The following CMTM6 variants were observed in gnomAD, a reference collection of about 807,000 sequenced individuals.
CMTM6 encodes the protein CKLF like MARVEL transmembrane domain containing 6.
CMTM6 carries 5 observed loss-of-function variants against 13.6 expected under a neutral mutation model. That is an observed-to-expected ratio of 0.37 (90% CI 0.19 to 0.77). CMTM6 has a LOEUF of 0.77. Ranked by LOEUF, CMTM6 falls within the 30% of genes least tolerant of loss-of-function variation. The pLI is 0.50. For synonymous variants in CMTM6, 99 were observed against 84.5 expected (o/e 1.17, Z -0.94); for missense variants, 196 against 218.6 (o/e 0.90, Z 0.65).
intron 3 of CMTM6, among the ~76,000 whole-genome samples, chr3:32,484,520 A>T (rs995373742): frequency 6.6e-6 from 1 of 152,232 alleles, no homozygotes; most frequent in Non-Finnish European, 1.5e-5. Flanking sequence ...AAAGTTATTA[A>T]TATCAAAACA....
chr3:32,486,800 C>T (rs1409681660), intron 3 of CMTM6, among the ~76,000 whole-genome samples: 1 of 152,138 alleles, frequency 6.6e-6, no homozygotes, highest in African/African-American at 2.4e-5. Context: ...GGGGCAGACT[C>T]CCCCTCTGGC....
At chr3:32,491,641 T>C in intron 2 of CMTM6, 69 bp downstream of exon 2, 5 of 1,364,602 alleles carry the variant, frequency 3.7e-6, no homozygotes, top group Non-Finnish European at 5.0e-6. Context: ...CATTACTGCT[T>C]TGAACAATAA....
chr3:32,492,639 G>A (rs1023174994), intron 1 of CMTM6, among the ~76,000 whole-genome samples: 5 of 152,266 alleles, frequency 3.3e-5, no homozygotes, highest in East Asian at 1.9e-4. Flanking sequence ...AAATAATAGC[G>A]ACTAGGGAGC....
At chr3:32,490,636 T>C (rs1697242672) in intron 2 of CMTM6, among the ~76,000 whole-genome samples, 1 of 152,176 alleles carries the variant, frequency 6.6e-6, no homozygotes, top group Non-Finnish European at 1.5e-5. Flanking sequence ...GTTTTACTTT[T>C]TTTACGTTAC....
chr3:32,491,316 G>C (rs1697248094), intron 2 of CMTM6, among the ~76,000 whole-genome samples: 1 of 152,156 alleles, frequency 6.6e-6, no homozygotes, highest in African/African-American at 2.4e-5. Flanking sequence ...TTTCACATTA[G>C]TTCATTACTC....
At chr3:32,485,056 A>C (rs1450864451) in intron 3 of CMTM6, among the ~76,000 whole-genome samples, 2 of 151,756 alleles carry the variant, frequency 1.3e-5, no homozygotes, top group Non-Finnish European at 2.9e-5. Context: ...ACAAAAGCCA[A>C]GTCTTTTTCC....
chr3:32,492,243 G>GATT (rs1697255774), intron 1 of CMTM6, among the ~76,000 whole-genome samples: 1 of 152,128 alleles, frequency 6.6e-6, no homozygotes, highest in African/African-American at 2.4e-5. Context: ...AAAGATTAAG[G>GATT]AAAGAAATTC....
intron 1 of CMTM6, among the ~76,000 whole-genome samples, chr3:32,500,297 T>C (rs4955294): frequency 0.022 from 3,364 of 152,300 alleles, 181 homozygotes; most frequent in East Asian, 0.21. Context: ...GGCAAAGACC[T>C]TGCCTATAGC....
At chr3:32,493,384 A>G (rs556717288) in intron 1 of CMTM6, among the ~76,000 whole-genome samples, 22 of 152,374 alleles carry the variant, frequency 1.4e-4, no homozygotes, top group African/African-American at 5.3e-4. Flanking sequence ...TGGTACTAAC[A>G]TACTGGTCCT....
rs747810007 is a variant in CMTM6, at chr3:32,502,648, C to T, written c.98G>A (p.Arg33Gln). 2 of 1,595,604 alleles carry T rather than the reference C, an allele frequency of 1.3e-6. No homozygotes were observed. The highest frequency in any genetic ancestry group is 1.7e-6 in the Non-Finnish European group (2 of 1,172,814). ...GAGAACGCGCCGGAGCAATGGGAGC[C>T]GGCCCATGAAAAAGTAGGCAGCGAG... ...SGLAAYFFMG[R>Q]LPLLRRVLKG... Residue 33 changes from arginine (R) to glutamine (Q), a missense_variant, in exon 1 of 4, where the codon CGG (arginine) becomes CAG (glutamine). This residue lies in a region of CMTM6 where 85 missense variants were observed against 58.7 expected (regional missense o/e 1.45). Transcript: ENST00000205636.
chr3:32,484,435 T>G (rs1395672046), intron 3 of CMTM6, among the ~76,000 whole-genome samples: 1 of 152,196 alleles, frequency 6.6e-6, no homozygotes, highest in Non-Finnish European at 1.5e-5. Context: ...CAAAAATATT[T>G]GCATGGTTAG....
chr3:32,483,917 A>G lies in CMTM6; in HGVS notation c.*43T>C. Reference sequence around the variant, plus strand: ...CTTCTGCCAGGGCTCAGGCACCACAATGCAGGGTCACTACCTTAGGTAACA... The same window carrying G: ...CTTCTGCCAGGGCTCAGGCACCACAGTGCAGGGTCACTACCTTAGGTAACA... On this transcript the variant is annotated 3_prime_UTR_variant, in exon 4 of 4. Coordinates refer to ENST00000205636, the MANE Select transcript of CMTM6 (RefSeq NM_017801.3). 1.3e-6 allele frequency: 2 copies of G among 1,518,156 alleles called. No individual in the cohort carries two copies. The highest frequency in any genetic ancestry group is 1.8e-6 in the Non-Finnish European group (2 of 1,136,926). 94.0% of individuals were successfully genotyped at this position (1,518,156 alleles called of 1,614,324 possible).
At chr3:32,490,874 C>T (rs1247289906) in intron 2 of CMTM6, among the ~76,000 whole-genome samples, 3 of 151,754 alleles carry the variant, frequency 2.0e-5, no homozygotes, top group Non-Finnish European at 4.4e-5. Context: ...TTTTTTTACA[C>T]ATTCAAACTA....
chr3:32,497,874 A>C (rs969286499), intron 1 of CMTM6, among the ~76,000 whole-genome samples: 2 of 146,550 alleles, frequency 1.4e-5, no homozygotes, highest in Admixed American at 6.8e-5. Flanking sequence ...AAAAAAAAAA[A>C]GTGTAAAAGC....
intron 2 of CMTM6, among the ~76,000 whole-genome samples, chr3:32,489,156 G>C (rs1697229739): frequency 6.6e-6 from 1 of 150,896 alleles, no homozygotes; most frequent in African/African-American, 2.4e-5. Flanking sequence ...TGTAGTCCCA[G>C]CTATTCTGGA....
chr3:32,499,241 T>A (rs1172352389), intron 1 of CMTM6, among the ~76,000 whole-genome samples: 1 of 152,216 alleles, frequency 6.6e-6, no homozygotes, highest in Non-Finnish European at 1.5e-5. Context: ...TTACTATACA[T>A]CAGTTTTCAT....
chr3:32,488,206 A>C, intron 2 of CMTM6, 170 bp from the exon 3 acceptor site: 1 of 551,968 alleles, frequency 1.8e-6, no homozygotes, highest in East Asian at 2.9e-5. Flanking sequence ...CATTCAATAA[A>C]TACCCTGTAA....
rs547585011 is a variant in CMTM6 at position 32,484,104 on chromosome 3, A to G, written c.415-7T>C. 45 of 1,566,048 alleles carry G rather than the reference A, an allele frequency of 2.9e-5. No individual in the cohort carries two copies. The African/African-American group carries it at 3.9e-4, about 13-fold the overall frequency. On this transcript the variant is annotated splice_region_variant and splice_polypyrimidine_tract_variant and intron_variant, in intron 3 of 3. Coordinates refer to ENST00000205636, the MANE Select transcript of CMTM6 (RefSeq NM_017801.3). ...TTGCTATAAATCCAAACACCTGAGG[A>G]AAAAAAGGAGGAAAGGTTATATGAG...
intron 1 of CMTM6, among the ~76,000 whole-genome samples, chr3:32,497,158 C>A (rs1312908414): frequency 2.0e-5 from 3 of 150,402 alleles, no homozygotes; most frequent in Admixed American, 2.0e-4. Context: ...CCGAGGTGGG[C>A]GGATCACGAG....
Sources: gnomAD v4.1 joint callset for allele counts (sites outside exome capture counted in the v4.1 genomes callset) on GRCh38, gnomAD v4.1.1 for gene constraint, gnomAD v4.1.1 regional missense constraint, MANE v1.5 for transcripts, NCBI Gene and HGNC (gene_info 2026-07-23, HGNC 2026-07-21) for gene names.